Variants in NSD2 observed in about 807,000 individuals in gnomAD.
NSD2 encodes histone-lysine N-methyltransferase NSD2.
Under a neutral mutation model 139.0 loss-of-function variants are expected in NSD2, and 12 were observed. The ratio of observed to expected loss-of-function variants is 0.09; its 90% CI spans 0.06 to 0.14. NSD2 has a LOEUF of 0.14. Ranked by LOEUF, NSD2 falls within the 10% of genes least tolerant of loss-of-function variation. The pLI is 1.00. For synonymous variants in NSD2, 669 were observed against 648.7 expected, an observed-to-expected ratio of 1.03 and a Z score of -0.48; for missense variants, 1,155 against 1,745.0, an observed-to-expected ratio of 0.66 and a Z score of 6.02.
intron 18 of NSD2, among the ~76,000 whole-genome samples, chr4:1,961,520 G>C (rs1043007048): frequency 6.6e-6 from 1 of 152,174 alleles, no homozygotes; most frequent in Non-Finnish European, 1.5e-5. Flanking sequence ...GTGCTCTTTG[G>C]GTAAGGTCTC....
At chr4:1,898,097 C>T (rs1410174515) in intron 1 of NSD2, among the ~76,000 whole-genome samples, 2 of 151,656 alleles carry the variant, frequency 1.3e-5, no homozygotes, top group Admixed American at 6.6e-5. Flanking sequence ...TCCTTTTTTT[C>T]CCCCTTCTTT....
chr4:1,973,820 C>A lies in NSD2; in HGVS notation c.3373-1043C>A, dbSNP rs76431401. On this transcript the variant is annotated intron_variant, in intron 18 of 21. Coordinates refer to ENST00000508803, the MANE Select transcript of NSD2 (RefSeq NM_001042424.3). The surrounding 1 kb of genome is among the most constrained non-coding windows in gnomAD (Gnocchi z 5.5). Reference sequence around the variant, plus strand: ...GTTTTGTTTGAACACGTGACTGTTACGCTTTATGTGGCCTTTTGATTTCTC... The same window carrying A: ...GTTTTGTTTGAACACGTGACTGTTAAGCTTTATGTGGCCTTTTGATTTCTC... Among the ~76,000 whole-genome samples the A allele has an allele frequency of 3.3e-5, 5 of 152,228 alleles. No homozygotes were observed. The highest frequency in any genetic ancestry group is 7.3e-5 in the Non-Finnish European group (5 of 68,044).
In NSD2 at chr4:1,900,897, T is replaced by A; in HGVS notation, c.243T>A (p.Asp81Glu). 6.2e-7 allele frequency: 1 copy of A among 1,613,210 alleles called. No homozygotes were observed. Among genetic ancestry groups the A allele is most frequent in the South Asian group, 1.1e-5 (1 of 90,962 alleles). The change falls in exon 2 of 22, where the codon GAT (aspartate) becomes GAA (glutamate). Residue 81 changes from aspartate to glutamate, a missense_variant. Physicochemically the swap from Asp to Glu is conservative, Grantham distance 45. This residue lies in a region of NSD2 where 246 missense variants were observed against 262.8 expected (regional missense o/e 0.94). Coordinates refer to ENST00000508803, the MANE Select transcript of NSD2 (RefSeq NM_001042424.3). ...TTATTCCAGCCGACAAGCTGAAAGA[T>A]CTTACTTCCCGGGTGTTTAATGGAG... ...LPFIPADKLK[D>E]LTSRVFNGEP... is the part of the protein sequence containing the mutation.
intron 12 of NSD2, among the ~76,000 whole-genome samples, chr4:1,953,865 C>T (rs1481736527): frequency 1.3e-5 from 2 of 151,108 alleles, no homozygotes; most frequent in Non-Finnish European, 2.9e-5. Flanking sequence ...AGTCACAGCT[C>T]ACTGCATCCT....
In NSD2 at chr4:1,976,723, G is replaced by A. The variant is rs1213551140; in HGVS notation, c.3826+44G>A. On this transcript the variant is annotated intron_variant, in intron 21 of 21. Coordinates refer to ENST00000508803, the MANE Select transcript of NSD2 (RefSeq NM_001042424.3). The surrounding 1 kb of genome is among the most constrained non-coding windows in gnomAD (Gnocchi z 5.3). ...GGTGGCTTGCAGCTGTGTCTGTGTGGCAGGCTCCTGATGGCGGCTGCTGCC... is the reference window on the plus strand; with the variant it reads ...GGTGGCTTGCAGCTGTGTCTGTGTGACAGGCTCCTGATGGCGGCTGCTGCC... The A allele has an allele frequency of 6.5e-7, 1 of 1,530,384 alleles. No homozygotes were observed. The allele number at this position is 1,530,384 out of a possible 1,614,324, so 94.8% of individuals were successfully genotyped here.
intron 1 of NSD2, among the ~76,000 whole-genome samples, chr4:1,872,224 C>A (rs1032765724): frequency 6.6e-6 from 1 of 152,090 alleles, no homozygotes; most frequent in African/African-American, 2.4e-5. Context: ...GGGTACCCTG[C>A]TGGGGGGCTG....
intron 1 of NSD2, among the ~76,000 whole-genome samples, chr4:1,889,046 C>T (rs938365630): frequency 2.6e-5 from 4 of 151,648 alleles, no homozygotes; most frequent in Non-Finnish European, 5.9e-5. Context: ...TACAGGCACC[C>T]GCTACCATGC....
chr4:1,951,434 A>T (rs1724215495), intron 10 of NSD2, among the ~76,000 whole-genome samples: 2 of 144,142 alleles, frequency 1.4e-5, no homozygotes, highest in Non-Finnish European at 3.0e-5. Context: ...TTGTATACAC[A>T]TCATGTAATA....
rs1724861859 is a variant in NSD2, at chr4:1,956,858, G to T, written c.2881+670G>T. On this transcript the variant is annotated intron_variant, in intron 15 of 21. Coordinates refer to ENST00000508803, the MANE Select transcript of NSD2 (RefSeq NM_001042424.3). This position sits in a 1 kb window ranked among gnomAD's most constrained non-coding sequence, Gnocchi z 5.3. ...CTGGCTCCTGTGTGACTGCAGGCGG[G>T]GACCCGCGTATTTAAAGCTTGGTTA... 6.6e-6 allele frequency among the ~76,000 whole-genome samples: 1 copy of T among 152,244 alleles called. No individual in the cohort carries two copies. The highest frequency in any genetic ancestry group is 6.5e-5 in the Admixed American group (1 of 15,288).
In NSD2 at chr4:1,967,456, T is replaced by C. The variant is rs530589151; in HGVS notation, c.3372+6305T>C. 2.6e-5 allele frequency among the ~76,000 whole-genome samples: 4 copies of C among 151,830 alleles called. No homozygotes were observed. The South Asian group carries it at 8.3e-4, about 32-fold the overall frequency. On this transcript the variant is annotated intron_variant, in intron 18 of 21. Transcript: ENST00000508803. Reference sequence around the variant, plus strand: ...AGCTGGGCGTGGTGGCGGGCGCCCATAATCCCAGCTACTCAGTAGGCTGAG... The same window carrying C: ...AGCTGGGCGTGGTGGCGGGCGCCCACAATCCCAGCTACTCAGTAGGCTGAG...
At chr4:1,873,384 A>G (rs1040690540) in intron 1 of NSD2, among the ~76,000 whole-genome samples, 1 of 152,254 alleles carries the variant, frequency 6.6e-6, no homozygotes, top group South Asian at 2.1e-4. Context: ...TATGTAACAT[A>G]TAAACTAATA....
In NSD2 at chr4:1,958,687, A is replaced by G. The variant is rs989552614; in HGVS notation, c.2985+651A>G. Among the ~76,000 whole-genome samples, 1 of 152,252 alleles carries G rather than the reference A, an allele frequency of 6.6e-6. No homozygotes were observed. Among genetic ancestry groups the G allele is most frequent in the African/African-American group, 2.4e-5 (1 of 41,460 alleles). ...TTGTAAAATGTGGGCTGCAGTCAAT[A>G]TCTTTGTATGTAAAGAAAGTGCTCT... On this transcript the variant is annotated intron_variant, in intron 16 of 21. Transcript: ENST00000508803. The surrounding 1 kb of genome is among the most constrained non-coding windows in gnomAD (Gnocchi z 4.6).
intron 1 of NSD2, among the ~76,000 whole-genome samples, chr4:1,893,081 C>T (rs556959082): frequency 9.9e-5 from 15 of 152,238 alleles, no homozygotes; most frequent in African/African-American, 2.6e-4. Flanking sequence ...CCTCTAAGTC[C>T]GCATCCCCAG....
intron 3 of NSD2, among the ~76,000 whole-genome samples, chr4:1,912,401 A>G (rs191338974): frequency 3.9e-5 from 6 of 152,328 alleles, no homozygotes; most frequent in Non-Finnish European, 8.8e-5. Context: ...TTGACTATGT[A>G]AATATCATTC....
intron 9 of NSD2, chr4:1,941,817 TG>T: frequency 9.5e-7 from 1 of 1,052,842 alleles, no homozygotes; most frequent in African/African-American, 1.7e-5. Context: ...CAAATAAACT[TG>T]TCTATTATAT....
intron 9 of NSD2, chr4:1,943,885 A>C (rs751014140): frequency 1.9e-6 from 2 of 1,063,360 alleles, no homozygotes; most frequent in Non-Finnish European, 2.3e-6. Context: ...TGAATTTTGC[A>C]TGGGTGGCCA....
At chr4:1,946,714 C>A in intron 9 of NSD2, 1 of 1,043,556 alleles carries the variant, frequency 9.6e-7, no homozygotes, top group Non-Finnish European at 1.2e-6. Flanking sequence ...GCAGTGATGT[C>A]AAATTGACTG....
intron 11 of NSD2, chr4:1,952,810 T>G: frequency 8.4e-7 from 1 of 1,190,802 alleles, no homozygotes; most frequent in Non-Finnish European, 1.0e-6. Flanking sequence ...TGCACAGCCG[T>G]GGCCCTTCCT....
Position 1,974,647 on chromosome 4 carries a change from G to A in NSD2, c.3373-216G>A, listed in dbSNP as rs1310372918. ...TCCTGTCCTCCCCGGCGCTCACTAA[G>A]GCTCGGTCCTCTCCACGTGGTCCTG... On this transcript the variant is annotated intron_variant, in intron 18 of 21. Transcript: ENST00000508803. This position sits in a 1 kb window ranked among gnomAD's most constrained non-coding sequence, Gnocchi z 4.0. The A allele has an allele frequency of 4.0e-6, 3 of 749,174 alleles. No homozygotes were observed. Among genetic ancestry groups the A allele is most frequent in the Non-Finnish European group, 7.2e-6 (3 of 415,400 alleles). 46.4% of individuals were successfully genotyped at this position (749,174 alleles called of 1,614,324 possible).
Sources: gnomAD v4.1 joint callset for allele counts (sites outside exome capture counted in the v4.1 genomes callset) on GRCh38, gnomAD v4.1.1 for gene constraint, gnomAD v4.1.1 regional missense constraint, Gnocchi (gnomAD v3.1) non-coding constraint, MANE v1.5 for transcripts, NCBI Gene and HGNC (gene_info 2026-07-23, HGNC 2026-07-21) for gene names.